ERC2: variants seen among roughly 807,000 people sequenced by gnomAD.
ERC2 encodes the protein ELKS/RAB6-interacting/CAST family member 2, also known as ERC protein 2.
A neutral mutation model predicts 114.8 loss-of-function variants in ERC2; 42 were observed. The observed-to-expected ratio is 0.37, with a 90% CI of 0.29 to 0.47. The LOEUF is 0.47. Ranked by LOEUF, ERC2 falls within the 20% of genes least tolerant of loss-of-function variation. ERC2 has a pLI of 0.99. For synonymous variants in ERC2, 454 were observed against 425.5 expected, an observed-to-expected ratio of 1.07 and a Z score of -0.82; for missense variants, 939 against 1,150.7, an observed-to-expected ratio of 0.82 and a Z score of 2.66.
intron 7 of ERC2, among the ~76,000 whole-genome samples, chr3:56,041,143 T>C (rs1340344225): frequency 6.6e-6 from 1 of 152,192 alleles, no homozygotes; most frequent in Non-Finnish European, 1.5e-5. Context: ...ATTTTCTTGG[T>C]ATGACAGGTG....
intron 17 of ERC2, among the ~76,000 whole-genome samples, chr3:55,580,719 G>A (rs971980656): frequency 6.6e-6 from 1 of 152,054 alleles, no homozygotes; most frequent in Non-Finnish European, 1.5e-5. Flanking sequence ...GAACATTATT[G>A]GTTTGTTAAT....
At chr3:55,720,170 T>C (rs866204206) in intron 15 of ERC2, among the ~76,000 whole-genome samples, 1 of 900 alleles carries the variant, frequency 1.1e-3, no homozygotes, top group Non-Finnish European at 2.5e-3. Context: ...CTTCTTCTTC[T>C]TCTTCTTCTT....
intron 2 of ERC2, among the ~76,000 whole-genome samples, chr3:56,338,494 C>A (rs1024742846): frequency 1.3e-5 from 2 of 152,180 alleles, no homozygotes; most frequent in African/African-American, 4.8e-5. Context: ...GATGGGCCTG[C>A]CACCTGCAAT....
At chr3:56,023,291 C>A (rs1480543404) in intron 7 of ERC2, among the ~76,000 whole-genome samples, 1 of 152,114 alleles carries the variant, frequency 6.6e-6, no homozygotes, top group Non-Finnish European at 1.5e-5. Context: ...CAATGGCTCC[C>A]ATTGCCCCCC....
At chr3:56,135,544 AT>A (rs954646040) in intron 6 of ERC2, among the ~76,000 whole-genome samples, 9 of 152,218 alleles carry the variant, frequency 5.9e-5, no homozygotes, top group African/African-American at 2.2e-4. Context: ...ACCATAATTT[AT>A]AGCTGTAACC....
intron 2 of ERC2, among the ~76,000 whole-genome samples, chr3:56,395,463 G>A (rs2060272237): frequency 6.6e-6 from 1 of 152,136 alleles, no homozygotes; most frequent in African/African-American, 2.4e-5. Context: ...TGTTGAATTT[G>A]TAAACCCCAA....
chr3:55,818,887 A>T lies in ERC2; in HGVS notation c.2564+69502T>A, dbSNP rs79512729. On this transcript the variant is annotated intron_variant, in intron 14 of 17. Transcript: ENST00000288221. The stretch of plus-strand genomic sequence containing the variant: ...TCTAATGGAAAGCATTTCAGAGTTA[A>T]TGTATATAACTTGTTTCCGCAAGTC... Among the ~76,000 whole-genome samples the T allele has an allele frequency of 8.1e-3, 1,236 of 152,366 alleles. 13 individuals carry two copies. Among genetic ancestry groups the T allele is most frequent in the African/African-American group, 0.029 (1,193 of 41,584 alleles).
chr3:56,353,548 C>T (rs139513759), intron 2 of ERC2, among the ~76,000 whole-genome samples: 3,398 of 150,770 alleles, frequency 0.023, 41 homozygotes, highest in South Asian at 0.07. Context: ...AGCAAACTAT[C>T]GCAAGGACAA....
At chr3:56,212,780 TATAC>T (rs1280335605) in intron 3 of ERC2, among the ~76,000 whole-genome samples, 1 of 129,422 alleles carries the variant, frequency 7.7e-6, no homozygotes, top group Admixed American at 8.0e-5. Flanking sequence ...AAATATGGTA[TATAC>T]ATATACATAT....
intron 11 of ERC2, among the ~76,000 whole-genome samples, chr3:55,988,089 C>T (rs2070771591): frequency 6.6e-6 from 1 of 152,154 alleles, no homozygotes; most frequent in South Asian, 2.1e-4. Flanking sequence ...CTCTCTTTCC[C>T]CTAAGTCACC....
In ERC2 at chr3:55,549,930, A is replaced by AAGAG. The variant is rs372694701; in HGVS notation, c.*40-38658_*40-38655dup. On this transcript the variant is annotated intron_variant, in intron 17 of 17. Transcript: ENST00000288221. ...CCCAACCCCCCTCCCCGACACACAC[A>AAGAG]AGAGAGAGAGAGAGAGAGAGAGAGA... is the stretch of plus-strand genomic sequence containing the variant. 3.3e-3 allele frequency among the ~76,000 whole-genome samples: 306 copies of AAGAG among 94,120 alleles called. 1 individual carries two copies. The highest frequency in any genetic ancestry group is 0.019 in the Middle Eastern group (4 of 216). The allele number at this position is 94,120 out of a possible 152,430, so 61.7% of individuals were successfully genotyped here.
chr3:55,755,514 T>G (rs1215150907), intron 14 of ERC2, among the ~76,000 whole-genome samples: 1 of 152,180 alleles, frequency 6.6e-6, no homozygotes, highest in Non-Finnish European at 1.5e-5. Flanking sequence ...AGTAGACATG[T>G]AATCTTCAAC....
At chr3:56,065,648 A>T (rs1023318977) in intron 7 of ERC2, among the ~76,000 whole-genome samples, 1 of 152,046 alleles carries the variant, frequency 6.6e-6, no homozygotes, top group Non-Finnish European at 1.5e-5. Context: ...CTAGGTATTA[A>T]GCCCAGTGTG....
At chr3:55,703,528 C>A (rs1161127499) in intron 15 of ERC2, among the ~76,000 whole-genome samples, 1 of 152,230 alleles carries the variant, frequency 6.6e-6, no homozygotes, top group Non-Finnish European at 1.5e-5. Flanking sequence ...TTATCTGAAC[C>A]AATGGTAACT....
intron 17 of ERC2, among the ~76,000 whole-genome samples, chr3:55,571,172 C>T (rs6765147): frequency 0.15 from 21,845 of 149,438 alleles, 1,790 homozygotes; most frequent in Non-Finnish European, 0.19. Flanking sequence ...GTCTTCTTCC[C>T]TACTGGTTAG....
chr3:55,589,215 C>CA (rs5849104), intron 17 of ERC2, among the ~76,000 whole-genome samples: 67,539 of 99,700 alleles, frequency 0.68, 22,917 homozygotes, highest in Non-Finnish European at 0.76. Flanking sequence ...CAGTCACTAC[C>CA]AAAAAAAAAA....
intron 17 of ERC2, among the ~76,000 whole-genome samples, chr3:55,566,729 T>C (rs1386793807): frequency 6.6e-6 from 1 of 150,996 alleles, no homozygotes; most frequent in Non-Finnish European, 1.5e-5. Flanking sequence ...AACAGATTGT[T>C]GTTCTATTAC....
intron 1 of ERC2, among the ~76,000 whole-genome samples, chr3:56,450,288 C>T (rs903731577): frequency 3.3e-5 from 5 of 151,830 alleles, no homozygotes; most frequent in African/African-American, 1.2e-4. Flanking sequence ...TGTTCAGCTG[C>T]CTTGGCTCAT....
At chr3:55,976,006 C>T (rs1333062287) in intron 12 of ERC2, among the ~76,000 whole-genome samples, 4 of 152,168 alleles carry the variant, frequency 2.6e-5, no homozygotes, top group Admixed American at 6.5e-5. Context: ...ATGGGTAATG[C>T]CTCTTTGCCA....
Sources: allele counts gnomAD v4.1 joint callset (sites outside exome capture counted in the v4.1 genomes callset), GRCh38; gene constraint gnomAD v4.1.1; transcripts MANE v1.5; gene names NCBI Gene and HGNC (gene_info 2026-07-23, HGNC 2026-07-21).